AGBL3: variants seen among roughly 807,000 people sequenced by gnomAD.
The protein encoded by AGBL3 is cytosolic carboxypeptidase 3.
In AGBL3, 68 loss-of-function variants were observed where a neutral mutation model predicts 94.5. The observed-to-expected ratio is 0.72, with a 90% CI of 0.59 to 0.88. AGBL3 has a LOEUF of 0.88. AGBL3 is among the 40% of genes least tolerant of loss of function. AGBL3 has a pLI of 0.00. For synonymous variants in AGBL3, 354 were observed against 370.7 expected (o/e 0.95, Z 0.52); for missense variants, 934 against 1,103.8 (o/e 0.85, Z 2.18).
intron 12 of AGBL3, among the ~76,000 whole-genome samples, chr7:135,075,266 G>A (rs190708229): frequency 2.0e-4 from 31 of 152,210 alleles, no homozygotes; most frequent in African/African-American, 6.3e-4. Flanking sequence ...AATCTGTTCC[G>A]CATTTCTGTA....
intron 16 of AGBL3, among the ~76,000 whole-genome samples, chr7:135,119,498 G>T (rs969948780): frequency 2.4e-4 from 37 of 151,732 alleles, no homozygotes; most frequent in Admixed American, 7.2e-4. Flanking sequence ...CCAAAGTGCT[G>T]GGATTACAGG....
chr7:135,089,943 T>G (rs535567800), intron 15 of AGBL3, among the ~76,000 whole-genome samples: 39 of 152,142 alleles, frequency 2.6e-4, no homozygotes, highest in African/African-American at 8.9e-4. Context: ...CAGAGTTGGA[T>G]GTAGGTTCCT....
intron 11 of AGBL3, among the ~76,000 whole-genome samples, chr7:135,055,080 C>T (rs1277255480): frequency 1.3e-5 from 2 of 152,098 alleles, no homozygotes; most frequent in African/African-American, 2.4e-5. Context: ...TATAATAACC[C>T]ACTCTTGTGG....
chr7:135,045,712 A>G (rs1342935581), intron 10 of AGBL3, 87 bp from the exon 11 acceptor site: 7 of 1,323,126 alleles, frequency 5.3e-6, no homozygotes, highest in East Asian at 2.5e-5. Flanking sequence ...CCCAGTAACA[A>G]TTGTTCCAGG....
At chr7:135,072,809 T>C (rs1296890846) in intron 12 of AGBL3, among the ~76,000 whole-genome samples, 3 of 152,068 alleles carry the variant, frequency 2.0e-5, no homozygotes, top group Non-Finnish European at 2.9e-5. Context: ...ATATACCTAA[T>C]GTTAAATGAC....
chr7:135,105,137 T>C (rs113915724), intron 15 of AGBL3, among the ~76,000 whole-genome samples: 6 of 150,368 alleles, frequency 4.0e-5, no homozygotes, highest in African/African-American at 9.8e-5. Flanking sequence ...TGGTGTAATC[T>C]TGGCTCACTG....
chr7:135,088,039 CT>C (rs1821468549), intron 15 of AGBL3, among the ~76,000 whole-genome samples: 1 of 151,990 alleles, frequency 6.6e-6, no homozygotes, highest in Non-Finnish European at 1.5e-5. Flanking sequence ...ATTATATCTT[CT>C]TATTGAGTTG....
chr7:135,081,588 A>C (rs962249578), intron 14 of AGBL3, 131 bp from the exon 15 acceptor site: 1 of 510,158 alleles, frequency 2.0e-6, no homozygotes, highest in African/African-American at 1.9e-5. Flanking sequence ...TGCTTATTTT[A>C]ATTTCATTGA....
intron 11 of AGBL3, among the ~76,000 whole-genome samples, chr7:135,058,356 C>T (rs548163393): frequency 6.6e-6 from 1 of 152,188 alleles, no homozygotes; most frequent in East Asian, 1.9e-4. Context: ...AACGTGCCTA[C>T]CACTGCATTA....
intron 16 of AGBL3, among the ~76,000 whole-genome samples, chr7:135,117,966 T>G (rs780447247): frequency 3.3e-5 from 5 of 152,196 alleles, no homozygotes; most frequent in Non-Finnish European, 5.9e-5. Context: ...TGCTGTAGGA[T>G]GCAAATTTGA....
At chr7:135,130,740 T>C (rs554523511) in intron 16 of AGBL3, among the ~76,000 whole-genome samples, 2 of 152,278 alleles carry the variant, frequency 1.3e-5, no homozygotes, top group East Asian at 3.9e-4. Context: ...AGTCCTAATT[T>C]TCTGAATTAT....
intron 15 of AGBL3, among the ~76,000 whole-genome samples, chr7:135,106,038 G>A (rs182981538): frequency 2.6e-4 from 40 of 152,120 alleles, no homozygotes; most frequent in African/African-American, 9.4e-4. Flanking sequence ...CTCTCGGTTA[G>A]GCTGTTGTTG....
At chr7:135,091,176 G>T (rs1821804555) in intron 15 of AGBL3, among the ~76,000 whole-genome samples, 2 of 152,058 alleles carry the variant, frequency 1.3e-5, no homozygotes, top group African/African-American at 2.4e-5. Flanking sequence ...GTGGAGTCCT[G>T]GTGTTTCCTT....
At chr7:135,018,982 C>T (rs1247031763) in intron 5 of AGBL3, among the ~76,000 whole-genome samples, 1 of 152,194 alleles carries the variant, frequency 6.6e-6, no homozygotes, top group Non-Finnish European at 1.5e-5. Flanking sequence ...GTTCCCATCT[C>T]TCCCCTTCTG....
At chr7:135,025,371 C>T (rs1025808589) in intron 5 of AGBL3, among the ~76,000 whole-genome samples, 1 of 151,510 alleles carries the variant, frequency 6.6e-6, no homozygotes, top group Non-Finnish European at 1.5e-5. Context: ...ACTAAGCTTC[C>T]ACAAGTGAAG....
intron 12 of AGBL3, among the ~76,000 whole-genome samples, chr7:135,073,708 G>A (rs1438858268): frequency 6.6e-6 from 1 of 151,866 alleles, no homozygotes; most frequent in Non-Finnish European, 1.5e-5. Context: ...ATAGGGTCAT[G>A]ACCGATTGAG....
chr7:134,994,483 G>A (rs1487589216), intron 4 of AGBL3, among the ~76,000 whole-genome samples: 1 of 150,888 alleles, frequency 6.6e-6, no homozygotes, highest in South Asian at 2.1e-4. Context: ...GCACAGGCAT[G>A]ACAGAAACAT....
At chr7:135,119,233 AAT>A (rs777888915) in intron 16 of AGBL3, among the ~76,000 whole-genome samples, 1 of 149,290 alleles carries the variant, frequency 6.7e-6, no homozygotes, top group Non-Finnish European at 1.5e-5. Flanking sequence ...CCAAAATTTA[AAT>A]TTTTTTTTTT....
intron 4 of AGBL3, among the ~76,000 whole-genome samples, chr7:135,016,766 G>A (rs541184173): frequency 6.6e-6 from 1 of 152,294 alleles, no homozygotes; most frequent in East Asian, 1.9e-4. Flanking sequence ...GGGCTCAGGA[G>A]AAAGAGAATT....
Sources: allele counts gnomAD v4.1 joint callset (sites outside exome capture counted in the v4.1 genomes callset), GRCh38; gene constraint gnomAD v4.1.1; transcripts MANE v1.5; gene names NCBI Gene and HGNC (gene_info 2026-07-23, HGNC 2026-07-21).